Variants in MAP2K1 observed in about 807,000 individuals in gnomAD.
The protein encoded by MAP2K1 is mitogen-activated protein kinase kinase 1, also known as dual specificity mitogen-activated protein kinase kinase 1.
A neutral mutation model predicts 46.3 loss-of-function variants in MAP2K1; 16 were observed. The ratio of observed to expected loss-of-function variants is 0.35; its 90% CI spans 0.23 to 0.52. The LOEUF (loss-of-function observed/expected upper bound fraction) is 0.52. MAP2K1 is among the 20% of genes least tolerant of loss of function. The pLI, the probability that MAP2K1 is intolerant of heterozygous loss-of-function variation, is 0.94. For missense variants in MAP2K1, 263 were observed against 497.1 expected (o/e 0.53, Z 4.48); for synonymous variants, 183 against 185.6 (o/e 0.99, Z 0.11).
At chr15:66,464,497 A>G (rs1892411323) in intron 5 of MAP2K1, among the ~76,000 whole-genome samples, 1 of 150,398 alleles carries the variant, frequency 6.6e-6, no homozygotes, top group African/African-American at 2.4e-5. Flanking sequence ...AAAGATGGGA[A>G]AAAGGAAAAG....
intron 3 of MAP2K1, among the ~76,000 whole-genome samples, chr15:66,438,837 C>T (rs2093495839): frequency 6.6e-6 from 1 of 152,098 alleles, no homozygotes; most frequent in Non-Finnish European, 1.5e-5. Context: ...ATGGGGAAGA[C>T]CTGGTCAGGC....
Position 66,387,311 on chromosome 15 carries a change from T to TC in MAP2K1, c.-31dup, listed in dbSNP as rs730880340. 0.095 allele frequency: 144,717 copies of TC among 1,516,248 alleles called. 8,983 individuals are homozygous for TC. The highest frequency in any genetic ancestry group is 0.36 in the East Asian group (14,818 of 40,614). 93.9% of individuals were successfully genotyped at this position (1,516,248 alleles called of 1,614,324 possible). On this transcript the variant is annotated 5_prime_UTR_variant, in exon 1 of 11. Coordinates refer to ENST00000307102, the MANE Select transcript of MAP2K1 (RefSeq NM_002755.4). ...CGGGAGGAAGCGAGAGGTGCTGCCC[T>TC]CCCCCCGGAGTTGGAAGCGCGTTAC...
At chr15:66,462,280 C>T (rs751951956) in intron 5 of MAP2K1, among the ~76,000 whole-genome samples, 3 of 152,030 alleles carry the variant, frequency 2.0e-5, no homozygotes, top group Non-Finnish European at 4.4e-5. Flanking sequence ...GTGGGTGGAT[C>T]ACCTGAGGTC....
chr15:66,432,580 G>T (rs1489169270), intron 1 of MAP2K1, among the ~76,000 whole-genome samples: 1 of 152,176 alleles, frequency 6.6e-6, no homozygotes, highest in Non-Finnish European at 1.5e-5. Context: ...TGGTGCAAAG[G>T]CCTTTTTGTG....
intron 5 of MAP2K1, among the ~76,000 whole-genome samples, chr15:66,474,534 T>A (rs1273371177): frequency 6.6e-6 from 1 of 152,218 alleles, no homozygotes; most frequent in Non-Finnish European, 1.5e-5. Context: ...GTAATGTGAA[T>A]GATTCCTTCC....
chr15:66,462,786 C>T (rs999760106), intron 5 of MAP2K1, among the ~76,000 whole-genome samples: 2 of 152,118 alleles, frequency 1.3e-5, no homozygotes, highest in African/African-American at 4.8e-5. Flanking sequence ...TTACACATAA[C>T]AGAAACCAAC....
At chr15:66,435,570 C>T (rs940081447) in intron 2 of MAP2K1, among the ~76,000 whole-genome samples, 2 of 152,034 alleles carry the variant, frequency 1.3e-5, no homozygotes, top group African/African-American at 2.4e-5. Flanking sequence ...TCAGGTGATA[C>T]GCCCGCCTCA....
At chr15:66,437,047 G>A (rs911838368) in intron 3 of MAP2K1, among the ~76,000 whole-genome samples, 155 bp downstream of exon 3, 1 of 152,182 alleles carries the variant, frequency 6.6e-6, no homozygotes, top group African/African-American at 2.4e-5. Flanking sequence ...TGTAGAGCTT[G>A]GGATATTCAC....
intron 5 of MAP2K1, chr15:66,444,938 C>G: frequency 3.7e-6 from 2 of 535,292 alleles, no homozygotes; most frequent in Admixed American, 3.2e-5. Flanking sequence ...TCATAGTCAC[C>G]CTGGAAGCCC....
intron 3 of MAP2K1, among the ~76,000 whole-genome samples, chr15:66,441,714 A>T (rs1369713732): frequency 6.6e-5 from 10 of 150,714 alleles, no homozygotes; most frequent in Non-Finnish European, 1.5e-4. Context: ...CTAAGGAGAG[A>T]GTGTGTTCTA....
At chr15:66,488,890 A>G (rs1893143476) in intron 8 of MAP2K1, 1 of 423,932 alleles carries the variant, frequency 2.4e-6, no homozygotes, top group African/African-American at 2.0e-5. Context: ...CATTAGGCCC[A>G]ACCTCTTCAT....
intron 6 of MAP2K1, among the ~76,000 whole-genome samples, chr15:66,484,642 G>A (rs1892994737): frequency 6.6e-6 from 1 of 152,186 alleles, no homozygotes; most frequent in South Asian, 2.1e-4. Flanking sequence ...AGCCTCTCAT[G>A]CTGGGCTTCG....
intron 5 of MAP2K1, among the ~76,000 whole-genome samples, chr15:66,469,004 C>A (rs1187666835): frequency 7.0e-6 from 1 of 143,032 alleles, no homozygotes; most frequent in Admixed American, 7.0e-5. Context: ...ATGCCTGTAA[C>A]CTCAGCACTT....
chr15:66,460,312 T>A (rs1892285886), intron 5 of MAP2K1, among the ~76,000 whole-genome samples: 1 of 152,216 alleles, frequency 6.6e-6, no homozygotes, highest in African/African-American at 2.4e-5. Context: ...AGTTTGTCTC[T>A]TAGCTCCTTA....
chr15:66,388,734 ATGATCACAAGGT>A (rs2093349235), intron 1 of MAP2K1, among the ~76,000 whole-genome samples: 2 of 151,592 alleles, frequency 1.3e-5, no homozygotes, highest in Non-Finnish European at 2.9e-5. Context: ...CATCCCTGTA[ATGATCACAAGGT>A]CGATGGTGGA....
At chr15:66,472,794 G>A (rs777360443) in intron 5 of MAP2K1, among the ~76,000 whole-genome samples, 5 of 152,172 alleles carry the variant, frequency 3.3e-5, no homozygotes, top group Non-Finnish European at 7.3e-5. Flanking sequence ...GGTGAATTAT[G>A]TTAAGCTGTG....
chr15:66,423,133 G>A (rs2140559291), intron 1 of MAP2K1, among the ~76,000 whole-genome samples: 1 of 152,084 alleles, frequency 6.6e-6, no homozygotes. Flanking sequence ...CCTATCTTCA[G>A]GGTCACTGAT....
chr15:66,457,157 C>T (rs1567016701), intron 5 of MAP2K1, among the ~76,000 whole-genome samples: 1 of 152,216 alleles, frequency 6.6e-6, no homozygotes, highest in South Asian at 2.1e-4. Flanking sequence ...CTCGCTCTGT[C>T]ACCCAGGCTG....
At position 66,491,157 on chromosome 15, in the gene MAP2K1, C is replaced by G. The variant is rs747416216; in HGVS notation, c.*542C>G. On this transcript the variant is annotated 3_prime_UTR_variant, in exon 11 of 11. Transcript: ENST00000307102. Reference sequence around the variant, plus strand: ...TATTTGCTTTTCATGTAGAACTCAGCAGTTGACATCCAAATCTAGCCAGAG... The same window carrying G: ...TATTTGCTTTTCATGTAGAACTCAGGAGTTGACATCCAAATCTAGCCAGAG... 7.1e-6 allele frequency: 2 copies of G among 281,268 alleles called. No individual in the cohort carries two copies. The highest frequency in any genetic ancestry group is 1.4e-5 in the Non-Finnish European group (2 of 147,324). The allele number at this position is 281,268 out of a possible 1,614,324, so 17.4% of individuals were successfully genotyped here.
Sources: gnomAD v4.1 joint callset for allele counts (sites outside exome capture counted in the v4.1 genomes callset) on GRCh38, gnomAD v4.1.1 for gene constraint, MANE v1.5 for transcripts, NCBI Gene and HGNC (gene_info 2026-07-23, HGNC 2026-07-21) for gene names.